The following MDH2 variants were observed in gnomAD, a reference collection of about 807,000 sequenced individuals.
The protein encoded by MDH2 is malate dehydrogenase 2, also known as malate dehydrogenase, mitochondrial.
MDH2 carries 25 observed loss-of-function variants against 33.6 expected under a neutral mutation model. The ratio of observed to expected loss-of-function variants is 0.74; its 90% CI spans 0.54 to 1.04. The LOEUF (loss-of-function observed/expected upper bound fraction) is 1.04. MDH2 is among the 50% of genes least tolerant of loss of function. The probability of loss-of-function intolerance (pLI) is 0.00; values close to 1 mark genes in which losing one functional copy is unlikely to be tolerated. For missense variants in MDH2, 432 were observed against 445.0 expected, an observed-to-expected ratio of 0.97 and a Z score of 0.26; for synonymous variants, 193 against 188.7, an observed-to-expected ratio of 1.02 and a Z score of -0.19.
chr7:76,065,026 CT>C lies in MDH2; in HGVS notation c.885+74del. ...TCCCTTTGCTTAAGCCTCAGGAGCT[CT>C]CCCTGGCCCTTTATGCAGTAAGCTC... On this transcript the variant is annotated intron_variant, in intron 8 of 8. Transcript: ENST00000315758. 9 of 1,519,402 alleles carry C rather than the reference CT, an allele frequency of 5.9e-6. No homozygotes were observed. The South Asian group carries it at 9.4e-5, about 16-fold the overall frequency. The allele number at this position is 1,519,402 out of a possible 1,614,324, so 94.1% of individuals were successfully genotyped here. A position where few individuals can be genotyped will look rare whatever the true frequency, so the allele number is the denominator to read the frequency against.
At chr7:76,049,055 C>T in intron 1 of MDH2, 1 of 980,558 alleles carries the variant, frequency 1.0e-6, no homozygotes, top group Non-Finnish European at 1.2e-6. Flanking sequence ...CCAGGAGGTG[C>T]TCGCATTGCC....
In MDH2 at chr7:76,063,561, C is replaced by A. The variant is rs782483041; in HGVS notation, c.602C>A (p.Ala201Asp). The change falls in exon 6 of 9, where the codon GCT becomes GAT. Residue 201 changes from alanine to aspartate, a missense_variant. Physicochemically the swap from Ala to Asp is moderately radical, Grantham distance 126. Coordinates refer to ENST00000315758, the MANE Select transcript of MDH2 (RefSeq NM_005918.4). ...AACGTCCCTGTCATTGGTGGCCATG[C>A]TGGGAAGACCATCATCCCCCTGATC... ...RVNVPVIGGH[A>D]GKTIIPLISQ... The A allele has an allele frequency of 1.2e-6, 2 of 1,614,190 alleles. No homozygotes were observed. The highest frequency in any genetic ancestry group is 1.7e-6 in the Non-Finnish European group (2 of 1,180,014).
At chr7:76,052,215 G>T (rs944904224) in intron 1 of MDH2, among the ~76,000 whole-genome samples, 2 of 152,094 alleles carry the variant, frequency 1.3e-5, no homozygotes, top group East Asian at 3.9e-4. Context: ...GGGCATGGTA[G>T]CTTACACCTA....
At chr7:76,057,156 A>G (rs1797809999) in intron 2 of MDH2, among the ~76,000 whole-genome samples, 1 of 152,118 alleles carries the variant, frequency 6.6e-6, no homozygotes, top group South Asian at 2.1e-4. Flanking sequence ...TTTTGTGGAA[A>G]CCTGGAGGGC....
At chr7:76,049,372 C>T (rs374868411) in intron 1 of MDH2, among the ~76,000 whole-genome samples, 14 of 152,124 alleles carry the variant, frequency 9.2e-5, no homozygotes, top group East Asian at 7.7e-4. Flanking sequence ...ACATTAAGTA[C>T]CTGTGCTTGC....
chr7:76,064,207 C>T (rs1798030782), intron 6 of MDH2, 132 bp from the exon 7 acceptor site: 2 of 607,296 alleles, frequency 3.3e-6, no homozygotes, highest in South Asian at 2.3e-5. Context: ...TCTTTTTCTT[C>T]TTTATAGAAA....
chr7:76,054,237 C>T (rs923216969), intron 1 of MDH2, among the ~76,000 whole-genome samples: 1 of 145,676 alleles, frequency 6.9e-6, no homozygotes, highest in Non-Finnish European at 1.5e-5. Context: ...TACGTAACCC[C>T]TTCCACCTCT....
chr7:76,062,871 T>C (rs781981192), intron 5 of MDH2, among the ~76,000 whole-genome samples: 4 of 152,090 alleles, frequency 2.6e-5, no homozygotes, highest in Non-Finnish European at 5.9e-5. Flanking sequence ...GCCACTACAC[T>C]CCAGCCTGGG....
intron 3 of MDH2, 88 bp downstream of exon 3, chr7:76,057,581 G>A (rs1316052992): frequency 6.7e-6 from 9 of 1,337,746 alleles, no homozygotes; most frequent in Non-Finnish European, 8.4e-6. Context: ...ATTTAATCTG[G>A]TTGCTTTGTT....
At position 76,064,916 on chromosome 7, in the gene MDH2, C is replaced by T. The variant is rs371190336; in HGVS notation, c.848C>T (p.Thr283Met). Residue 283 changes from threonine (T) to methionine (M), a missense_variant, in exon 8 of 9, where the codon ACG becomes ATG. Physicochemically the swap from Thr to Met is moderately conservative, Grantham distance 81. Transcript: ENST00000315758. ...TGTTCCTTCGTTAAGTCACAGGAAA[C>T]GGAATGTACCTACTTCTCCACACCG... The part of the protein sequence containing the change: ...VECSFVKSQE[T>M]ECTYFSTPLL... 3.1e-6 allele frequency: 5 copies of T among 1,614,116 alleles called. No homozygotes were observed. The highest frequency in any genetic ancestry group is 2.2e-5 in the East Asian group (1 of 44,862).
intron 2 of MDH2, among the ~76,000 whole-genome samples, chr7:76,056,573 C>A (rs138715457): frequency 2.0e-5 from 3 of 152,308 alleles, no homozygotes; most frequent in Admixed American, 1.3e-4. Flanking sequence ...AAGTCAAGAT[C>A]GAAGCAGATT....
chr7:76,054,900 A>G lies in MDH2; in HGVS notation c.137A>G (p.Asn46Ser). 6.2e-7 allele frequency: 1 copy of G among 1,614,192 alleles called. No individual in the cohort carries two copies. The highest frequency in any genetic ancestry group is 8.5e-7 in the Non-Finnish European group (1 of 1,180,042). ...IGQPLSLLLK[N>S]SPLVSRLTLY... is the part of the protein sequence containing the mutation. ...CAGCCACTTTCACTTCTCCTGAAGA[A>G]CAGCCCCTTGGTGAGCCGCCTGACC... The change falls in exon 2 of 9, where the codon AAC (asparagine) becomes AGC (serine). Residue 46 changes from asparagine to serine, a missense_variant. By Grantham distance (46) the Asn-to-Ser change is conservative. Coordinates refer to ENST00000315758, the MANE Select transcript of MDH2 (RefSeq NM_005918.4).
At position 76,054,810 on chromosome 7, in the gene MDH2, T is replaced by G; in HGVS notation, c.67-20T>G. The G allele has an allele frequency of 6.2e-7, 1 of 1,614,024 alleles. No homozygotes were observed. The highest frequency in any genetic ancestry group is 8.5e-7 in the Non-Finnish European group (1 of 1,179,940). ...ATGCTCATTTCCTCCTAAGAGTCCT[T>G]TCTCTGTGCCTCTTTTTAGAACAAT... On this transcript the variant is annotated intron_variant, in intron 1 of 8. Transcript: ENST00000315758.
chr7:76,065,082 T>C, intron 8 of MDH2, 129 bp downstream of exon 8: 1 of 1,139,438 alleles, frequency 8.8e-7, no homozygotes, highest in Non-Finnish European at 1.3e-6. Context: ...GCTGTTGTTT[T>C]CAAGGGTGGA....
chr7:76,064,928 A>C lies in MDH2; in HGVS notation c.860A>C (p.Tyr287Ser), dbSNP rs1554587650. The change falls in exon 8 of 9, where the codon TAC becomes TCC. Residue 287 changes from tyrosine to serine, a missense_variant. Coordinates refer to ENST00000315758, the MANE Select transcript of MDH2 (RefSeq NM_005918.4). ...AAGTCACAGGAAACGGAATGTACCT[A>C]CTTCTCCACACCGCTGCTGCTTGGG... ...FVKSQETECTYFSTPLLLGKK... is the reference protein window; with the variant it reads ...FVKSQETECTSFSTPLLLGKK... 2 of 1,614,088 alleles carry C rather than the reference A, an allele frequency of 1.2e-6. No homozygotes were observed. The highest frequency in any genetic ancestry group is 1.7e-6 in the Non-Finnish European group (2 of 1,180,022).
At chr7:76,048,709 C>T (rs909010349) in intron 1 of MDH2, 3 of 1,237,880 alleles carry the variant, frequency 2.4e-6, no homozygotes, top group Non-Finnish European at 3.0e-6. Context: ...GGGTTACAGT[C>T]ATTTGGCCAG....
chr7:76,063,478 CTTG>C (rs1371044780), intron 5 of MDH2, 34 bp from the exon 6 acceptor site: 1 of 1,599,298 alleles, frequency 6.3e-7, no homozygotes, highest in East Asian at 2.2e-5. Context: ...AGTGAAAGAG[CTTG>C]TTAACTCATC....
At chr7:76,060,597 C>T (rs1157772926) in intron 5 of MDH2, 99 bp downstream of exon 5, 13 of 1,511,064 alleles carry the variant, frequency 8.6e-6, no homozygotes, top group Admixed American at 2.0e-5. Context: ...ATGCCCAGGT[C>T]ACGTGTCACT....
chr7:76,059,166 A>C (rs539200359), intron 4 of MDH2, among the ~76,000 whole-genome samples: 13 of 152,288 alleles, frequency 8.5e-5, no homozygotes, highest in East Asian at 5.8e-4. Flanking sequence ...CTGGTCTCAA[A>C]CAACCAACCT....
Sources: gnomAD v4.1 joint callset for allele counts (sites outside exome capture counted in the v4.1 genomes callset) on GRCh38, gnomAD v4.1.1 for gene constraint, MANE v1.5 for transcripts, NCBI Gene and HGNC (gene_info 2026-07-23, HGNC 2026-07-21) for gene names.